The following SLC25A26 variants were observed in gnomAD, a reference collection of about 807,000 sequenced individuals.
SLC25A26 encodes mitochondrial S-adenosylmethionine carrier protein.
Under a neutral mutation model 37.8 loss-of-function variants are expected in SLC25A26, and 36 were observed. That is an observed-to-expected ratio of 0.95 (90% CI 0.73 to 1.26). The LOEUF is 1.26. Among genes scored for constraint, SLC25A26 ranks in the 50% most tolerant of loss-of-function variants. SLC25A26 has a pLI of 0.00. For missense variants in SLC25A26, 390 were observed against 331.1 expected (o/e 1.18, Z -1.38); for synonymous variants, 129 against 122.5 (o/e 1.05, Z -0.35).
intron 3 of SLC25A26, among the ~76,000 whole-genome samples, chr3:66,249,491 C>G (rs1357064915): frequency 6.6e-6 from 1 of 152,214 alleles, no homozygotes; most frequent in Non-Finnish European, 1.5e-5. Context: ...GTGGCTTAAG[C>G]TGTTTTGTTT....
intron 1 of SLC25A26, among the ~76,000 whole-genome samples, chr3:66,207,658 CTAAAT>C (rs1408325320): frequency 6.6e-6 from 1 of 152,150 alleles, no homozygotes; most frequent in African/African-American, 2.4e-5. Flanking sequence ...ATAGTTAAAA[CTAAAT>C]TATTTTCTCA....
In SLC25A26 at chr3:66,266,597, T is replaced by TTTTA. The variant is rs57414222; in HGVS notation, c.453+3218_453+3219insTTTA. Among the ~76,000 whole-genome samples the TTTTA allele has an allele frequency of 6.8e-3, 1,014 of 148,712 alleles. 21 individuals carry two copies. The highest frequency in any genetic ancestry group is 0.023 in the African/African-American group (933 of 39,808). ...CACACTTTTTTTTTTTTTTTTTTTT[T>TTTTA]ACTGCATTTGATGTTTGTGGAGATT... is the stretch of plus-strand genomic sequence containing the variant. On this transcript the variant is annotated intron_variant, in intron 5 of 9. Transcript: ENST00000354883.
intron 5 of SLC25A26, among the ~76,000 whole-genome samples, chr3:66,280,142 A>G (rs1265300622): frequency 3.9e-5 from 6 of 152,218 alleles, no homozygotes; most frequent in Non-Finnish European, 8.8e-5. Flanking sequence ...TGAGAACAAC[A>G]CATCTCAATC....
chr3:66,374,023 T>G (rs908874317), intron 9 of SLC25A26, among the ~76,000 whole-genome samples: 6 of 152,148 alleles, frequency 3.9e-5, no homozygotes, highest in Non-Finnish European at 7.3e-5. Context: ...TCCTGTATCT[T>G]AAAGGATGCA....
At chr3:66,371,349 T>C in intron 9 of SLC25A26, 7 of 1,543,642 alleles carry the variant, frequency 4.5e-6, no homozygotes, top group Non-Finnish European at 6.1e-6. Flanking sequence ...TATGTGATTG[T>C]AGTTTTTGTG....
At chr3:66,267,330 T>C (rs1245804549) in intron 5 of SLC25A26, among the ~76,000 whole-genome samples, 2 of 152,186 alleles carry the variant, frequency 1.3e-5, no homozygotes, top group Non-Finnish European at 2.9e-5. Flanking sequence ...AGCTTGCTTA[T>C]TGAAGCAGAA....
intron 1 of SLC25A26, among the ~76,000 whole-genome samples, chr3:66,194,170 A>G (rs2070998719): frequency 6.6e-6 from 1 of 152,244 alleles, no homozygotes; most frequent in African/African-American, 2.4e-5. Context: ...CAAAGCCTCT[A>G]TGCCCCTTTA....
chr3:66,355,681 G>C (rs1349734221), intron 6 of SLC25A26, among the ~76,000 whole-genome samples: 1 of 152,200 alleles, frequency 6.6e-6, no homozygotes, highest in Non-Finnish European at 1.5e-5. Context: ...TGGTTCATCT[G>C]ATTGAATGAT....
rs182801498 is a variant in SLC25A26, at chr3:66,143,583, G to A, written c.-354+9599G>A. 2.1e-3 allele frequency among the ~76,000 whole-genome samples: 313 copies of A among 151,956 alleles called. 2 individuals carry two copies. Among genetic ancestry groups the A allele is most frequent in the Non-Finnish European group, 7.8e-4 (53 of 67,976 alleles). ...ATGCAAAATGCAAATGAGGTCCCTCGTTTAAAAAAAAAATTATTGGCTGGG... is the reference window on the plus strand; with the variant it reads ...ATGCAAAATGCAAATGAGGTCCCTCATTTAAAAAAAAAATTATTGGCTGGG... On this transcript the variant is annotated intron_variant, in intron 1 of 10. Transcript: ENST00000676754.
chr3:66,333,617 T>C (rs1327065884), intron 5 of SLC25A26, among the ~76,000 whole-genome samples: 1 of 152,178 alleles, frequency 6.6e-6, no homozygotes, highest in Non-Finnish European at 1.5e-5. Flanking sequence ...TCAGCCTCTT[T>C]ATGTGTTGTT....
At chr3:66,265,812 GTATATTCACTCTGT>G (rs1478046494) in intron 5 of SLC25A26, among the ~76,000 whole-genome samples, 1 of 152,172 alleles carries the variant, frequency 6.6e-6, no homozygotes, top group Non-Finnish European at 1.5e-5. Context: ...CACCCATACT[GTATATTCACTCTGT>G]ACTTAGTTTC....
intron 5 of SLC25A26, among the ~76,000 whole-genome samples, chr3:66,275,262 C>CG (rs2074099795): frequency 1.2e-5 from 1 of 82,160 alleles, no homozygotes; most frequent in Non-Finnish European, 2.3e-5. Flanking sequence ...GGGTGGGGGG[C>CG]GGGAGGAGGG....
At chr3:66,323,276 A>G (rs992800347) in intron 5 of SLC25A26, among the ~76,000 whole-genome samples, 3 of 152,200 alleles carry the variant, frequency 2.0e-5, no homozygotes, top group African/African-American at 7.2e-5. Context: ...CTGAACTAAA[A>G]CCACATTTTC....
chr3:66,284,464 A>C (rs1167169859), intron 5 of SLC25A26, among the ~76,000 whole-genome samples: 1 of 152,230 alleles, frequency 6.6e-6, no homozygotes, highest in Non-Finnish European at 1.5e-5. Flanking sequence ...GATTTTCTCC[A>C]CCACTGGCAG....
intron 5 of SLC25A26, among the ~76,000 whole-genome samples, chr3:66,331,026 C>G (rs1362029345): frequency 2.0e-5 from 3 of 151,868 alleles, no homozygotes; most frequent in Non-Finnish European, 4.4e-5. Flanking sequence ...ATATTATTTA[C>G]ATATATGGAA....
exon 10 of SLC25A26, chr3:66,378,921 A>AAAGTAATACTCCCTCTTTCACATTG (rs1309913008): frequency 6.6e-6 from 1 of 152,658 alleles, no homozygotes; most frequent in Non-Finnish European, 1.5e-5. Flanking sequence ...TTTGTACATA[A>AAAGTAATACTCCCTCTTTCACATTG]AAGTAATACT....
Position 66,208,946 on chromosome 3 carries a change from T to TTA in SLC25A26, c.-353-11785_-353-11784dup, listed in dbSNP as rs1196033256. 1.3e-4 allele frequency among the ~76,000 whole-genome samples: 10 copies of TTA among 77,254 alleles called. No homozygotes were observed. The South Asian group carries it at 1.7e-3, about 13-fold the overall frequency. 50.7% of individuals were successfully genotyped at this position (77,254 alleles called of 152,430 possible). A position where few individuals can be genotyped will look rare whatever the true frequency, so the allele number is the denominator to read the frequency against. On this transcript the variant is annotated intron_variant, in intron 1 of 10. Coordinates refer to the SLC25A26 transcript ENST00000676754. ...TATATACATACACATATATATACAT[T>TTA]TATATATATATACCCATATAAAGGT...
At chr3:66,149,117 GA>G (rs1274523883) in intron 1 of SLC25A26, among the ~76,000 whole-genome samples, 5 of 152,112 alleles carry the variant, frequency 3.3e-5, no homozygotes, top group Admixed American at 3.3e-4. Flanking sequence ...TGGACATGGG[GA>G]TAAGTGGGTC....
At position 66,233,540 on chromosome 3, in the gene SLC25A26, A is replaced by G. The variant is rs187642851; in HGVS notation, c.34-3004A>G. Among the ~76,000 whole-genome samples, 494 of 152,334 alleles carry G rather than the reference A, an allele frequency of 3.2e-3. 2 individuals carry two copies. The highest frequency in any genetic ancestry group is 0.012 in the African/African-American group (484 of 41,586). ...ATAAAAGAGTTTGATGGAGTTCTTT[A>G]TAATTAGGTTGTTACTGGCTTATAT... On this transcript the variant is annotated intron_variant, in intron 1 of 9. Coordinates refer to ENST00000354883, the MANE Select transcript of SLC25A26 (RefSeq NM_001379210.1).
Sources: allele counts gnomAD v4.1 joint callset (sites outside exome capture counted in the v4.1 genomes callset), GRCh38; gene constraint gnomAD v4.1.1; transcripts MANE v1.5; gene names NCBI Gene and HGNC (gene_info 2026-07-23, HGNC 2026-07-21).